The following CNTN5 variants were observed in gnomAD, a reference collection of about 807,000 sequenced individuals.
CNTN5 encodes the protein contactin-5.
Under a neutral mutation model 129.1 loss-of-function variants are expected in CNTN5, and 77 were observed. That is an observed-to-expected ratio of 0.60 (90% CI 0.50 to 0.72). The LOEUF is 0.72. Ranked by LOEUF, CNTN5 falls within the 30% of genes least tolerant of loss-of-function variation. The pLI is 0.00. For synonymous variants in CNTN5, 509 were observed against 465.6 expected, an observed-to-expected ratio of 1.09 and a Z score of -1.20; for missense variants, 1,478 against 1,328.8, an observed-to-expected ratio of 1.11 and a Z score of -1.75.
intron 2 of CNTN5, among the ~76,000 whole-genome samples, chr11:99,425,112 T>G (rs760411358): frequency 8.5e-5 from 13 of 152,190 alleles, no homozygotes; most frequent in Non-Finnish European, 1.3e-4. Flanking sequence ...GTAATCCCAA[T>G]GTCTCTGTGA....
chr11:99,841,802 T>TA (rs778398133), intron 4 of CNTN5, among the ~76,000 whole-genome samples: 4 of 119,818 alleles, frequency 3.3e-5, no homozygotes, highest in Non-Finnish European at 6.7e-5. Context: ...TATATATATG[T>TA]GGTGTGTGTG....
intron 2 of CNTN5, among the ~76,000 whole-genome samples, chr11:99,394,758 A>G (rs1163189978): frequency 1.3e-5 from 2 of 151,430 alleles, no homozygotes; most frequent in East Asian, 3.9e-4. Flanking sequence ...ATGTATTCTC[A>G]TTATTTAGTC....
intron 1 of CNTN5, among the ~76,000 whole-genome samples, chr11:99,039,329 C>A (rs1272537469): frequency 6.6e-6 from 1 of 152,132 alleles, no homozygotes; most frequent in Non-Finnish European, 1.5e-5. Context: ...CTTCTATCAT[C>A]TTTATCTTGA....
chr11:99,880,526 G>A (rs76661767), intron 6 of CNTN5, among the ~76,000 whole-genome samples: 4,866 of 151,992 alleles, frequency 0.032, 106 homozygotes, highest in Non-Finnish European at 0.042. Context: ...AAAGTTTTTC[G>A]GAGTTGATGA....
At chr11:99,309,907 T>C (rs1314121207) in intron 1 of CNTN5, among the ~76,000 whole-genome samples, 2 of 152,176 alleles carry the variant, frequency 1.3e-5, no homozygotes, top group Non-Finnish European at 2.9e-5. Flanking sequence ...TATAGCTCGA[T>C]TGTATAAAAT....
chr11:99,999,798 A>C lies in CNTN5; in HGVS notation c.878-2236A>C, dbSNP rs1399335464. Among the ~76,000 whole-genome samples the C allele has an allele frequency of 7.2e-5, 11 of 152,260 alleles. No individual in the cohort carries two copies. The South Asian group carries it at 1.7e-3, about 23-fold the overall frequency. Reference sequence around the variant, plus strand: ...ATAGACTGGATTAAGAAAATGTGGCACATATACACCATGGAATACTACGCA... The same window carrying C: ...ATAGACTGGATTAAGAAAATGTGGCCCATATACACCATGGAATACTACGCA... On this transcript the variant is annotated intron_variant, in intron 8 of 24. Coordinates refer to ENST00000524871, the MANE Select transcript of CNTN5 (RefSeq NM_014361.4).
chr11:100,040,799 T>C (rs1030424125), intron 9 of CNTN5, among the ~76,000 whole-genome samples: 4 of 152,182 alleles, frequency 2.6e-5, no homozygotes, highest in Admixed American at 1.3e-4. Context: ...AATCTCCTGG[T>C]GTGCCATTTT....
intron 24 of CNTN5, among the ~76,000 whole-genome samples, chr11:100,354,236 A>G (rs1190636047): frequency 6.6e-6 from 1 of 151,670 alleles, no homozygotes; most frequent in Non-Finnish European, 1.5e-5. Context: ...CATTTATTAA[A>G]TAATCAATTA....
chr11:100,294,570 A>G (rs1210652438), intron 18 of CNTN5, among the ~76,000 whole-genome samples: 2 of 151,750 alleles, frequency 1.3e-5, no homozygotes, highest in Admixed American at 6.6e-5. Context: ...TAATATGCTC[A>G]AGACATTTAT....
At chr11:99,136,518 C>A (rs1859228981) in intron 1 of CNTN5, among the ~76,000 whole-genome samples, 1 of 152,102 alleles carries the variant, frequency 6.6e-6, no homozygotes, top group South Asian at 2.1e-4. Flanking sequence ...TCCCTATGAT[C>A]CTATTTCCTC....
intron 2 of CNTN5, among the ~76,000 whole-genome samples, chr11:99,554,566 C>G (rs1340790207): frequency 6.6e-6 from 1 of 152,030 alleles, no homozygotes; most frequent in East Asian, 1.9e-4. Flanking sequence ...GACCTTAGGA[C>G]ATTGTAAATA....
intron 2 of CNTN5, among the ~76,000 whole-genome samples, chr11:99,389,657 A>G (rs1441517730): frequency 1.3e-5 from 2 of 152,192 alleles, no homozygotes; most frequent in Admixed American, 6.6e-5. Flanking sequence ...TGTATTTTAA[A>G]TCAGGTGGAA....
Position 99,975,083 on chromosome 11 carries a change from C to A in CNTN5, c.877+18074C>A, listed in dbSNP as rs1210117603. On this transcript the variant is annotated intron_variant, in intron 8 of 24. Coordinates refer to ENST00000524871, the MANE Select transcript of CNTN5 (RefSeq NM_014361.4). The stretch of plus-strand genomic sequence containing the variant: ...CACAAGTCGGCCATTGCCGCAGGCC[C>A]TTCTGATTTTGCCTTTGTTTAAATA... Among the ~76,000 whole-genome samples the A allele has an allele frequency of 3.3e-5, 5 of 152,172 alleles. No homozygotes were observed. The East Asian group carries it at 9.7e-4, about 29-fold the overall frequency.
intron 2 of CNTN5, among the ~76,000 whole-genome samples, chr11:99,508,607 A>G (rs961469035): frequency 3.9e-5 from 6 of 152,170 alleles, no homozygotes; most frequent in Non-Finnish European, 8.8e-5. Context: ...ATAAAATTAC[A>G]ATCTTTAAAA....
chr11:100,275,550 G>A (rs1449900571), intron 18 of CNTN5, among the ~76,000 whole-genome samples: 1 of 151,724 alleles, frequency 6.6e-6, no homozygotes, highest in East Asian at 1.9e-4. Flanking sequence ...AACTTTTTAT[G>A]GTATGAATCT....
chr11:99,300,361 A>C (rs1864581581), intron 1 of CNTN5, among the ~76,000 whole-genome samples: 1 of 151,888 alleles, frequency 6.6e-6, no homozygotes, highest in South Asian at 2.1e-4. Flanking sequence ...GCTTTTTTTA[A>C]TCTATCGAGG....
At chr11:99,554,536 G>C (rs1948604228) in intron 2 of CNTN5, among the ~76,000 whole-genome samples, 3 of 152,046 alleles carry the variant, frequency 2.0e-5, no homozygotes, top group Admixed American at 2.0e-4. Flanking sequence ...TGTTTATGAA[G>C]AATATTTAGA....
At chr11:100,011,072 G>A (rs1017660851) in intron 9 of CNTN5, among the ~76,000 whole-genome samples, 3 of 152,100 alleles carry the variant, frequency 2.0e-5, no homozygotes, top group African/African-American at 7.2e-5. Context: ...ATTCAGGTAT[G>A]AGAAATGTGA....
Position 100,350,333 on chromosome 11 carries a change from C to G in CNTN5, c.3031-369C>G, listed in dbSNP as rs530210387. 2.0e-5 allele frequency among the ~76,000 whole-genome samples: 3 copies of G among 151,816 alleles called. No individual in the cohort carries two copies. In the East Asian group the frequency reaches 5.8e-4, roughly 30 times the overall value. On this transcript the variant is annotated intron_variant, in intron 23 of 24. Coordinates refer to ENST00000524871, the MANE Select transcript of CNTN5 (RefSeq NM_014361.4). ...TCCTCACTATTCCCATATATCCCCT[C>G]TCCATTCCCTGCTCTCATGCCATTG...
Sources: allele counts gnomAD v4.1 joint callset (sites outside exome capture counted in the v4.1 genomes callset), GRCh38; gene constraint gnomAD v4.1.1; transcripts MANE v1.5; gene names NCBI Gene and HGNC (gene_info 2026-07-23, HGNC 2026-07-21).